Variants in PDZRN3 observed in about 807,000 individuals in gnomAD.
PDZRN3 encodes the protein PDZ domain containing ring finger 3, also known as E3 ubiquitin-protein ligase PDZRN3.
In PDZRN3, 38 loss-of-function variants were observed where a neutral mutation model predicts 85.7. That is an observed-to-expected ratio of 0.44 (90% CI 0.34 to 0.58). The LOEUF (loss-of-function observed/expected upper bound fraction) is 0.58. PDZRN3 is among the 20% of genes least tolerant of loss of function. The pLI is 0.01. For synonymous variants in PDZRN3, 759 were observed against 638.0 expected, an observed-to-expected ratio of 1.19 and a Z score of -2.86; for missense variants, 1,629 against 1,506.4, an observed-to-expected ratio of 1.08 and a Z score of -1.35.
chr3:73,426,997 C>T (rs1039686285), intron 3 of PDZRN3, among the ~76,000 whole-genome samples: 3 of 152,074 alleles, frequency 2.0e-5, no homozygotes, highest in South Asian at 2.1e-4. Flanking sequence ...CTTTCACTTC[C>T]GCATAATTTT....
chr3:73,417,851 C>T (rs1216088320), intron 3 of PDZRN3, among the ~76,000 whole-genome samples: 2 of 152,192 alleles, frequency 1.3e-5, no homozygotes, highest in Non-Finnish European at 1.5e-5. Context: ...TTGAAATGTG[C>T]AATCACTGTG....
rs1468562035 is a variant in PDZRN3 at position 73,391,080 on chromosome 3, G to C, written c.1291C>G (p.Leu431Val). The C allele has an allele frequency of 6.2e-7, 1 of 1,613,860 alleles. No individual in the cohort carries two copies. The highest frequency in any genetic ancestry group is 1.7e-5 in the Admixed American group (1 of 60,026). ...DLYRMNSQDK[L>V]GLTVCYRTDD... ...GTCCGGTAGCACACAGTGAGGCCCA[G>C]CTTGTCCTGGCTGTTCATTCTGTAG... is the stretch of plus-strand genomic sequence containing the variant. The change falls in exon 6 of 10, where the codon CTG becomes GTG. Residue 431 changes from leucine (L) to valine (V), a missense_variant. Transcript: ENST00000263666.
chr3:73,402,659 T>A (rs961021239), intron 4 of PDZRN3, among the ~76,000 whole-genome samples: 7 of 152,210 alleles, frequency 4.6e-5, no homozygotes, highest in Non-Finnish European at 1.0e-4. Flanking sequence ...TGGGTTCCAA[T>A]GACAGCTAGC....
intron 1 of PDZRN3, among the ~76,000 whole-genome samples, chr3:73,615,764 A>T (rs535808482): frequency 1.3e-5 from 2 of 152,334 alleles, no homozygotes; most frequent in East Asian, 3.9e-4. Context: ...AAATGCACTA[A>T]GACAGAGTGG....
intron 3 of PDZRN3, chr3:73,434,047 T>C (rs1014248647): frequency 8.1e-6 from 6 of 743,034 alleles, no homozygotes; most frequent in Non-Finnish European, 1.0e-5. Flanking sequence ...TGCATATTAA[T>C]CAGCTCTCAT....
chr3:73,409,428 CCCATCTGTCTAT>C (rs1701921198), intron 3 of PDZRN3, among the ~76,000 whole-genome samples: 2 of 152,180 alleles, frequency 1.3e-5, no homozygotes, highest in South Asian at 4.1e-4. Flanking sequence ...TCACTGACGA[CCCATCTGTCTAT>C]CTTTCAGTCA....
At chr3:73,513,267 T>C (rs916400668) in intron 3 of PDZRN3, among the ~76,000 whole-genome samples, 1 of 152,180 alleles carries the variant, frequency 6.6e-6, no homozygotes, top group Non-Finnish European at 1.5e-5. Flanking sequence ...TTTAAACAGT[T>C]ATAATTAAAA....
At chr3:73,435,829 G>A (rs537246865) in intron 3 of PDZRN3, among the ~76,000 whole-genome samples, 27 of 152,262 alleles carry the variant, frequency 1.8e-4, no homozygotes, top group East Asian at 7.7e-4. Flanking sequence ...TGACTCCACC[G>A]TTTGCTGAAA....
intron 3 of PDZRN3, among the ~76,000 whole-genome samples, chr3:73,599,337 G>A (rs572968671): frequency 6.6e-6 from 1 of 152,268 alleles, no homozygotes; most frequent in African/African-American, 2.4e-5. Context: ...ACTGAAATAA[G>A]CCAGTCACAA....
chr3:73,383,662 C>T lies in PDZRN3; in HGVS notation c.2904G>A (p.Lys968=), dbSNP rs201719158. The T allele has an allele frequency of 1.2e-6, 2 of 1,612,922 alleles. No individual in the cohort carries two copies. Among genetic ancestry groups the T allele is most frequent in the East Asian group, 2.2e-5 (1 of 44,856 alleles). The part of the protein sequence containing the change: ...TTDDDAVSEM[K]MGRYWSKEER... ...CCTCCTTGCTCCAGTAGCGCCCCAT[C>T]TTCATCTCGCTCACCGCGTCGTCGT... The change falls in exon 10 of 10, where the codon AAG becomes AAA. Residue 968 remains lysine (K), a synonymous_variant. Coordinates refer to ENST00000263666, the MANE Select transcript of PDZRN3 (RefSeq NM_015009.3).
At chr3:73,421,874 C>T (rs1190593658) in intron 3 of PDZRN3, among the ~76,000 whole-genome samples, 1 of 152,176 alleles carries the variant, frequency 6.6e-6, no homozygotes, top group East Asian at 1.9e-4. Context: ...GTCTCGATCC[C>T]CTGACCTCGT....
intron 3 of PDZRN3, among the ~76,000 whole-genome samples, chr3:73,459,257 C>T (rs934544227): frequency 6.6e-6 from 1 of 152,140 alleles, no homozygotes; most frequent in African/African-American, 2.4e-5. Flanking sequence ...CAGGTCCCTC[C>T]CATAACACAT....
intron 5 of PDZRN3, among the ~76,000 whole-genome samples, chr3:73,392,247 G>A (rs1701543500): frequency 1.3e-5 from 2 of 152,250 alleles, no homozygotes; most frequent in South Asian, 4.1e-4. Flanking sequence ...AGTGGGCTGA[G>A]GGTGGCCAGG....
intron 3 of PDZRN3, among the ~76,000 whole-genome samples, chr3:73,518,195 C>T (rs1704287922): frequency 6.6e-6 from 1 of 152,148 alleles, no homozygotes; most frequent in Non-Finnish European, 1.5e-5. Context: ...AATTCTGATA[C>T]ATGCTATGAC....
At chr3:73,576,819 CAAA>C (rs765995335) in intron 3 of PDZRN3, among the ~76,000 whole-genome samples, 24 of 151,852 alleles carry the variant, frequency 1.6e-4, no homozygotes, top group Non-Finnish European at 3.2e-4. Context: ...GAGTTATAGA[CAAA>C]GAAGTCAAAG....
At chr3:73,390,200 G>C (rs529926518) in intron 6 of PDZRN3, among the ~76,000 whole-genome samples, 1 of 152,242 alleles carries the variant, frequency 6.6e-6, no homozygotes, top group African/African-American at 2.4e-5. Flanking sequence ...TGTAGAACAG[G>C]TTAAAGGATA....
chr3:73,506,187 T>C (rs1704067493), intron 3 of PDZRN3, among the ~76,000 whole-genome samples: 1 of 152,190 alleles, frequency 6.6e-6, no homozygotes, highest in Non-Finnish European at 1.5e-5. Flanking sequence ...GTGCAGGTGG[T>C]ACCTCAGGGC....
rs6763344 is a variant in PDZRN3, at chr3:73,624,427, G to C, written c.399C>G (p.Ala133=). Residue 133 remains alanine (A), a synonymous_variant, in exon 1 of 10, where the codon GCC becomes GCG. Transcript: ENST00000263666. ...AGCGGCCCACTGGCCGCGCGTCGCA[G>C]GCGTCGCGCATGTGCGCCTCCACGT... The part of the protein sequence containing the change: ...RRDVEAHMRD[A]CDARPVGRCQ... 1,153,202 of 1,305,746 alleles carry C rather than the reference G, an allele frequency of 0.88. 509,859 individuals are homozygous for C. The highest frequency in any genetic ancestry group is 0.96 in the African/African-American group (61,829 of 64,252). 80.9% of individuals were successfully genotyped at this position (1,305,746 alleles called of 1,614,324 possible).
At chr3:73,478,510 T>C (rs1452078601) in intron 3 of PDZRN3, among the ~76,000 whole-genome samples, 3 of 151,850 alleles carry the variant, frequency 2.0e-5, no homozygotes, top group Non-Finnish European at 4.4e-5. Flanking sequence ...GTGAATTGTA[T>C]AATTATTTCA....
Sources: gnomAD v4.1 joint callset for allele counts (sites outside exome capture counted in the v4.1 genomes callset) on GRCh38, gnomAD v4.1.1 for gene constraint, MANE v1.5 for transcripts, NCBI Gene and HGNC (gene_info 2026-07-23, HGNC 2026-07-21) for gene names.